The following PRH1 variants were observed in gnomAD, a reference collection of about 807,000 sequenced individuals.
PRH1 encodes the protein salivary acidic proline-rich phosphoprotein 1/2.
A neutral mutation model predicts 7.9 loss-of-function variants in PRH1; 7 were observed. The ratio of observed to expected loss-of-function variants is 0.89; its 90% CI spans 0.50 to 1.67. The LOEUF is 1.67. Among genes scored for constraint, PRH1 ranks in the 40% most tolerant of loss-of-function variants. The probability of loss-of-function intolerance (pLI) is 0.00; values close to 1 mark genes in which losing one functional copy is unlikely to be tolerated. For synonymous variants in PRH1, 45 were observed against 80.8 expected, an observed-to-expected ratio of 0.56 and a Z score of 2.38; for missense variants, 109 against 223.6, an observed-to-expected ratio of 0.49 and a Z score of 3.27.
chr12:11,157,149 A>G (rs373153724), intron 1 of PRH1, among the ~76,000 whole-genome samples: 1 of 152,224 alleles, frequency 6.6e-6, no homozygotes, highest in African/African-American at 2.4e-5. Context: ...ATAGAATAAA[A>G]GTGTGAGTCT....
At chr12:11,156,236 A>G (rs1947245397) in intron 1 of PRH1, among the ~76,000 whole-genome samples, 1 of 152,186 alleles carries the variant, frequency 6.6e-6, no homozygotes, top group South Asian at 2.1e-4. Flanking sequence ...ATCAGTTGTC[A>G]TTCAAACAGT....
At chr12:10,955,039 A>T (rs1937885057) in intron 2 of PRH1, among the ~76,000 whole-genome samples, 1 of 152,188 alleles carries the variant, frequency 6.6e-6, no homozygotes, top group Admixed American at 6.5e-5. Flanking sequence ...CAGAAAACTA[A>T]CAAAGTTATT....
chr12:10,908,705 A>T (rs764557255), intron 2 of PRH1: 2 of 1,613,874 alleles, frequency 1.2e-6, no homozygotes, highest in Admixed American at 3.3e-5. Flanking sequence ...TTAACAGGAG[A>T]AAAGAGATGA....
At chr12:10,893,812 C>CT (rs956385428) in intron 2 of PRH1, among the ~76,000 whole-genome samples, 1 of 151,878 alleles carries the variant, frequency 6.6e-6, no homozygotes, top group Non-Finnish European at 1.5e-5. Context: ...GCAATATGTT[C>CT]TTTTTTTTCT....
At chr12:11,157,733 T>C (rs1225037051) in intron 1 of PRH1, among the ~76,000 whole-genome samples, 1 of 152,166 alleles carries the variant, frequency 6.6e-6, no homozygotes, top group Non-Finnish European at 1.5e-5. Flanking sequence ...ACAATAATAA[T>C]CTTTAGGAAA....
At chr12:10,950,338 T>C (rs955326691) in intron 2 of PRH1, among the ~76,000 whole-genome samples, 1 of 152,094 alleles carries the variant, frequency 6.6e-6, no homozygotes, top group Non-Finnish European at 1.5e-5. Flanking sequence ...AGGAGAAGTG[T>C]CTGAAAATTG....
At chr12:11,127,889 G>T (rs537443398) in intron 1 of PRH1, among the ~76,000 whole-genome samples, 4 of 147,176 alleles carry the variant, frequency 2.7e-5, no homozygotes, top group East Asian at 2.0e-4. Context: ...GGCTGATCAC[G>T]AGGTCAGGAG....
In PRH1 at chr12:11,134,164, T is replaced by C. The variant is rs1412414947; in HGVS notation, n.40-12984A>G. 11 of 1,613,896 alleles carry C rather than the reference T, an allele frequency of 6.8e-6. No homozygotes were observed. The highest frequency in any genetic ancestry group is 6.7e-5 in the African/African-American group (5 of 74,936). On this transcript the variant is annotated intron_variant and non_coding_transcript_variant, in intron 1 of 1. Transcript: ENST00000541175. Reference sequence around the variant, plus strand: ...CCCACTCAATGGAATTTACCAATGCTATGAAGCCATTAGCAAAATTTCCAA... The same window carrying C: ...CCCACTCAATGGAATTTACCAATGCCATGAAGCCATTAGCAAAATTTCCAA...
chr12:10,926,205 C>A (rs1950120772), intron 2 of PRH1, among the ~76,000 whole-genome samples: 1 of 152,148 alleles, frequency 6.6e-6, no homozygotes, highest in Non-Finnish European at 1.5e-5. Context: ...ACTGTATTAT[C>A]AGACTGCTTA....
At chr12:10,986,841 A>T in intron 1 of PRH1, 1 of 1,541,240 alleles carries the variant, frequency 6.5e-7, no homozygotes. Context: ...TGAAAAAAAA[A>T]TGTATAGAAA....
chr12:11,100,175 C>T (rs2136280723), intron 1 of PRH1, among the ~76,000 whole-genome samples: 1 of 152,060 alleles, frequency 6.6e-6, no homozygotes, highest in Middle Eastern at 3.4e-3. Context: ...TGAACCAAAA[C>T]AAAAATGGGA....
intron 1 of PRH1, among the ~76,000 whole-genome samples, chr12:11,098,515 G>C (rs1301501934): frequency 6.6e-6 from 1 of 152,144 alleles, no homozygotes; most frequent in East Asian, 1.9e-4. Context: ...TTCAGAGTTT[G>C]CAATTTTTCT....
chr12:10,976,645 TA>T (rs1225497604), intron 1 of PRH1, among the ~76,000 whole-genome samples: 2 of 142,564 alleles, frequency 1.4e-5, no homozygotes, highest in Non-Finnish European at 3.1e-5. Context: ...TTTTTTTTTT[TA>T]AATTAAGATA....
At position 11,096,941 on chromosome 12, in the gene PRH1, GC is replaced by G. The variant is rs2136274021; in HGVS notation, n.124-49754del. 3.5e-5 allele frequency among the ~76,000 whole-genome samples: 4 copies of G among 113,272 alleles called. 1 individual carries two copies. The South Asian group carries it at 9.6e-4, about 27-fold the overall frequency. 74.3% of individuals were successfully genotyped at this position (113,272 alleles called of 152,430 possible). A position where few individuals can be genotyped will look rare whatever the true frequency, so the allele number is the denominator to read the frequency against. ...GCCTCCCAAGTAGCTGGGACTACAG[GC>G]ACCCACCACCACGCTCGGCTAATTT... is the stretch of plus-strand genomic sequence containing the variant. On this transcript the variant is annotated intron_variant and non_coding_transcript_variant, in intron 1 of 4. Transcript: ENST00000541977.
intron 1 of PRH1, among the ~76,000 whole-genome samples, chr12:11,056,416 T>C (rs1176982950): frequency 1.3e-5 from 2 of 152,188 alleles, no homozygotes; most frequent in Non-Finnish European, 2.9e-5. Flanking sequence ...TATGATGGTT[T>C]CTAAGAGGGG....
chr12:10,899,185 T>C (rs1949690069), intron 2 of PRH1, among the ~76,000 whole-genome samples: 1 of 152,224 alleles, frequency 6.6e-6, no homozygotes, highest in African/African-American at 2.4e-5. Context: ...GGAACTTGAC[T>C]TCCAGTCTCA....
At chr12:10,997,210 C>G in intron 1 of PRH1, 2 of 1,614,064 alleles carry the variant, frequency 1.2e-6, no homozygotes, top group Non-Finnish European at 1.7e-6. Context: ...TTATGTGGAT[C>G]TTGGTGCTGG....
At chr12:10,938,368 C>T in intron 2 of PRH1, 1 of 1,614,004 alleles carries the variant, frequency 6.2e-7, no homozygotes, top group East Asian at 2.2e-5. Flanking sequence ...TTCCAAGAAT[C>T]AGAACACATG....
At chr12:11,117,984 C>T (rs750603881), downstream of PRH1, among the ~76,000 whole-genome samples, 35 of 152,016 alleles carry the variant, frequency 2.3e-4, no homozygotes, top group Non-Finnish European at 4.6e-4. Flanking sequence ...AGAGAAACTC[C>T]CCAGGACATT....
Sources: gnomAD v4.1 joint callset for allele counts (sites outside exome capture counted in the v4.1 genomes callset) on GRCh38, gnomAD v4.1.1 for gene constraint, MANE v1.5 for transcripts, NCBI Gene and HGNC (gene_info 2026-07-23, HGNC 2026-07-21) for gene names.